Variants in ARMH3 observed in about 807,000 individuals in gnomAD.
ARMH3 encodes the protein armadillo like helical domain containing 3, also known as armadillo-like helical domain-containing protein 3.
In ARMH3, 60 loss-of-function variants were observed where a neutral mutation model predicts 99.1. The observed-to-expected ratio is 0.61, with a 90% CI of 0.49 to 0.75. The LOEUF (loss-of-function observed/expected upper bound fraction) is 0.75. Ranked by LOEUF, ARMH3 falls within the 30% of genes least tolerant of loss-of-function variation. ARMH3 has a pLI of 0.00. For synonymous variants in ARMH3, 285 were observed against 292.8 expected, an observed-to-expected ratio of 0.97 and a Z score of 0.27; for missense variants, 679 against 843.1, an observed-to-expected ratio of 0.81 and a Z score of 2.41.
At chr10:102,018,242 A>G (rs1003623033) in intron 8 of ARMH3, among the ~76,000 whole-genome samples, 3 of 152,136 alleles carry the variant, frequency 2.0e-5, no homozygotes, top group African/African-American at 7.2e-5. Context: ...AAGGGAATCA[A>G]ATATATGTGC....
Position 101,847,443 on chromosome 10 carries a change from G to GGCAGC in ARMH3, c.*80_*84dup. ...ATCTGTGTTTCTCTCCAACCTCGGG[G>GGCAGC]GCAGCCCCCTCTCCCCTCGCTCCCC... On this transcript the variant is annotated 3_prime_UTR_variant, in exon 26 of 26. Coordinates refer to ENST00000370033, the MANE Select transcript of ARMH3 (RefSeq NM_024541.3). The GGCAGC allele has an allele frequency of 7.2e-7, 1 of 1,380,164 alleles. No individual in the cohort carries two copies. The highest frequency in any genetic ancestry group is 1.0e-6 in the Non-Finnish European group (1 of 971,200). 85.5% of individuals were successfully genotyped at this position (1,380,164 alleles called of 1,614,324 possible).
At chr10:101,904,002 T>A (rs924363066) in intron 23 of ARMH3, among the ~76,000 whole-genome samples, 3 of 152,184 alleles carry the variant, frequency 2.0e-5, no homozygotes, top group African/African-American at 7.2e-5. Context: ...AGTAGATGGA[T>A]CTCAGCTGTG....
At chr10:102,037,277 G>T (rs959977997) in intron 2 of ARMH3, among the ~76,000 whole-genome samples, 1 of 150,466 alleles carries the variant, frequency 6.6e-6, no homozygotes, top group Non-Finnish European at 1.5e-5. Context: ...TGCCTCCCGG[G>T]TTCAAGCGAT....
At chr10:101,995,617 A>G (rs72844686) in intron 15 of ARMH3, among the ~76,000 whole-genome samples, 5,397 of 152,274 alleles carry the variant, frequency 0.035, 152 homozygotes, top group Non-Finnish European at 0.058. Context: ...CTAACTCACA[A>G]TGGTTCCTAC....
intron 13 of ARMH3, among the ~76,000 whole-genome samples, chr10:102,007,833 C>CAAAAAAA (rs529858697): frequency 1.0e-4 from 5 of 48,966 alleles, no homozygotes; most frequent in African/African-American, 1.4e-4. Flanking sequence ...ACACCATCTC[C>CAAAAAAA]AAAAAAAAAA....
At chr10:101,878,180 C>T (rs1360746011) in intron 24 of ARMH3, among the ~76,000 whole-genome samples, 2 of 152,094 alleles carry the variant, frequency 1.3e-5, no homozygotes, top group African/African-American at 4.8e-5. Flanking sequence ...ATTGCTAGAA[C>T]CCAGGAGGCA....
At chr10:101,863,067 G>C (rs2135323673) in intron 24 of ARMH3, among the ~76,000 whole-genome samples, 1 of 152,296 alleles carries the variant, frequency 6.6e-6, no homozygotes, top group Admixed American at 6.5e-5. Flanking sequence ...GCCTGGCATG[G>C]TGGCGCATGC....
chr10:101,953,292 G>A (rs752223914), intron 22 of ARMH3, among the ~76,000 whole-genome samples: 1 of 152,088 alleles, frequency 6.6e-6, no homozygotes, highest in African/African-American at 2.4e-5. Flanking sequence ...GCCACACCTA[G>A]ATAAATTTTT....
At chr10:102,014,102 A>G (rs903922796) in intron 8 of ARMH3, 78 bp from the exon 9 acceptor site, 1 of 1,194,746 alleles carries the variant, frequency 8.4e-7, no homozygotes, top group Non-Finnish European at 1.2e-6. Flanking sequence ...AAGTGTTAAC[A>G]AAAATGCTTC....
chr10:101,910,731 C>CAAA (rs1227264596), intron 23 of ARMH3, among the ~76,000 whole-genome samples: 4 of 77,604 alleles, frequency 5.2e-5, no homozygotes, highest in Non-Finnish European at 7.7e-5. Context: ...GACTCCATCT[C>CAAA]AAAAAAAAAA....
intron 24 of ARMH3, among the ~76,000 whole-genome samples, chr10:101,853,392 G>A (rs912043855): frequency 1.3e-5 from 2 of 152,146 alleles, no homozygotes; most frequent in Non-Finnish European, 2.9e-5. Flanking sequence ...GCCTGGCCTG[G>A]GACTTTGCTT....
At chr10:101,877,561 C>A (rs1370653619) in intron 24 of ARMH3, among the ~76,000 whole-genome samples, 1 of 151,916 alleles carries the variant, frequency 6.6e-6, no homozygotes, top group Non-Finnish European at 1.5e-5. Flanking sequence ...TCAGGTGAGA[C>A]AGGAGAATCG....
chr10:102,027,017 G>C (rs1285300248), intron 5 of ARMH3, among the ~76,000 whole-genome samples: 1 of 152,200 alleles, frequency 6.6e-6, no homozygotes, highest in East Asian at 1.9e-4. Context: ...AGTGGCTCAT[G>C]CCTGTAATCC....
intron 8 of ARMH3, among the ~76,000 whole-genome samples, chr10:102,016,013 T>C (rs2066742711): frequency 6.6e-6 from 1 of 152,114 alleles, no homozygotes; most frequent in Non-Finnish European, 1.5e-5. Flanking sequence ...CACACGCCTG[T>C]AGTCCCAGCT....
intron 4 of ARMH3, among the ~76,000 whole-genome samples, chr10:102,031,817 G>T (rs2067138121): frequency 6.6e-6 from 1 of 152,102 alleles, no homozygotes; most frequent in South Asian, 2.1e-4. Flanking sequence ...TCAGCTCACT[G>T]CAAGCTCCGT....
At chr10:101,850,736 T>C (rs2066580983) in intron 24 of ARMH3, among the ~76,000 whole-genome samples, 1 of 152,128 alleles carries the variant, frequency 6.6e-6, no homozygotes, top group African/African-American at 2.4e-5. Context: ...GACTTTCTCA[T>C]CTCTTCTATT....
chr10:101,942,403 T>C (rs1221546195), intron 22 of ARMH3, among the ~76,000 whole-genome samples: 2 of 152,250 alleles, frequency 1.3e-5, no homozygotes, highest in Non-Finnish European at 2.9e-5. Flanking sequence ...TTATTTTCTA[T>C]GCTTTTTCTT....
chr10:102,019,693 C>A (rs1216480071), intron 8 of ARMH3, among the ~76,000 whole-genome samples: 1 of 151,668 alleles, frequency 6.6e-6, no homozygotes, highest in Non-Finnish European at 1.5e-5. Context: ...TTTGGGAGGC[C>A]GAGGCGGGCG....
intron 18 of ARMH3, 35 bp downstream of exon 18, chr10:101,991,933 CA>C: frequency 6.4e-7 from 1 of 1,571,032 alleles, no homozygotes; most frequent in Non-Finnish European, 8.8e-7. Flanking sequence ...CTATCGCTGT[CA>C]CAGAACAATG....
Sources: gnomAD v4.1 joint callset for allele counts (sites outside exome capture counted in the v4.1 genomes callset) on GRCh38, gnomAD v4.1.1 for gene constraint, MANE v1.5 for transcripts, NCBI Gene and HGNC (gene_info 2026-07-23, HGNC 2026-07-21) for gene names.